The following DOCK3 variants were observed in gnomAD, a reference collection of about 807,000 sequenced individuals.
DOCK3 encodes dedicator of cytokinesis 3.
Under a neutral mutation model 265.6 loss-of-function variants are expected in DOCK3, and 60 were observed. The observed-to-expected ratio is 0.23, with a 90% CI of 0.18 to 0.28. The LOEUF (loss-of-function observed/expected upper bound fraction) is 0.28. DOCK3 is among the 10% of genes least tolerant of loss of function. The pLI, the probability that DOCK3 is intolerant of heterozygous loss-of-function variation, is 1.00. For missense variants in DOCK3, 1,981 were observed against 2,594.3 expected (o/e 0.76, Z 5.14); for synonymous variants, 881 against 938.0 (o/e 0.94, Z 1.11).
At chr3:51,266,391 A>C (rs2080168923) in intron 23 of DOCK3, among the ~76,000 whole-genome samples, 1 of 152,220 alleles carries the variant, frequency 6.6e-6, no homozygotes, top group Non-Finnish European at 1.5e-5. Context: ...AGCCAAAGGA[A>C]CAAAGCTGGA....
intron 2 of DOCK3, among the ~76,000 whole-genome samples, chr3:50,817,003 G>A (rs2044120409): frequency 6.6e-6 from 1 of 152,194 alleles, no homozygotes; most frequent in South Asian, 2.1e-4. Context: ...TATTAGGAAA[G>A]TAAAGGAATA....
intron 27 of DOCK3, among the ~76,000 whole-genome samples, chr3:51,292,813 G>A (rs542053091): frequency 1.3e-5 from 2 of 152,130 alleles, no homozygotes; most frequent in South Asian, 2.1e-4. Flanking sequence ...GAGTAGCTGG[G>A]TTTACAGGTG....
chr3:51,280,961 A>C (rs2081078979), intron 27 of DOCK3, among the ~76,000 whole-genome samples: 1 of 152,088 alleles, frequency 6.6e-6, no homozygotes, highest in Non-Finnish European at 1.5e-5. Flanking sequence ...ATTGTTAGTT[A>C]TTATCTATTT....
At chr3:50,945,322 G>A (rs149666999) in intron 5 of DOCK3, among the ~76,000 whole-genome samples, 99 of 152,142 alleles carry the variant, frequency 6.5e-4, no homozygotes, top group African/African-American at 2.4e-3. Flanking sequence ...TTACCATATA[G>A]TTTGTTTTTT....
At position 51,310,252 on chromosome 3, in the gene DOCK3, T is replaced by C. The variant is rs1479522455; in HGVS notation, c.2943T>C (p.Phe981=). The part of the protein sequence containing the change: ...DELKEFLLKI[F]CVFRNLMKMS... ...GTCAGGAATTTCTGCTGAAGATTTT[T>C]TGCGTGTTCCGGAACCTGATGAAGA... The change falls in exon 28 of 53, where the codon TTT becomes TTC. Residue 981 remains phenylalanine (F), a synonymous_variant. Coordinates refer to ENST00000266037, the MANE Select transcript of DOCK3 (RefSeq NM_004947.5). The C allele has an allele frequency of 4.4e-6, 7 of 1,603,226 alleles. No homozygotes were observed. Among genetic ancestry groups the C allele is most frequent in the Non-Finnish European group, 6.0e-6 (7 of 1,174,718 alleles).
chr3:50,858,354 C>G (rs2046718529), intron 3 of DOCK3, among the ~76,000 whole-genome samples: 1 of 151,538 alleles, frequency 6.6e-6, no homozygotes, highest in Admixed American at 6.6e-5. Context: ...GTGCAGCATA[C>G]CAACACGACA....
chr3:50,760,463 TTC>T (rs1478447444), intron 1 of DOCK3, among the ~76,000 whole-genome samples: 1 of 152,166 alleles, frequency 6.6e-6, no homozygotes, highest in Admixed American at 6.5e-5. Flanking sequence ...AATACTACCG[TTC>T]TGTTTTTCAC....
At chr3:50,683,880 T>G (rs371230140) in intron 1 of DOCK3, among the ~76,000 whole-genome samples, 2 of 122,988 alleles carry the variant, frequency 1.6e-5, no homozygotes, top group Admixed American at 2.0e-4. Context: ...TCTTGGCTGG[T>G]CTTGAACTCC....
chr3:51,015,175 A>T (rs1055999576), intron 5 of DOCK3, among the ~76,000 whole-genome samples: 2 of 152,116 alleles, frequency 1.3e-5, no homozygotes, highest in Middle Eastern at 3.2e-3. Context: ...ATTTTGAATA[A>T]CAGTGGTGAA....
At chr3:51,102,805 G>A (rs1262945885) in intron 9 of DOCK3, among the ~76,000 whole-genome samples, 1 of 152,170 alleles carries the variant, frequency 6.6e-6, no homozygotes, top group Non-Finnish European at 1.5e-5. Context: ...ACAATTATGA[G>A]TTTTTAAAAA....
intron 5 of DOCK3, among the ~76,000 whole-genome samples, chr3:50,968,036 A>G (rs968848793): frequency 1.3e-5 from 2 of 150,238 alleles, no homozygotes; most frequent in Admixed American, 1.3e-4. Flanking sequence ...CATTCTCACC[A>G]GAATTTTTTT....
intron 5 of DOCK3, among the ~76,000 whole-genome samples, chr3:50,966,848 C>G (rs1307427696): frequency 6.6e-6 from 1 of 151,868 alleles, no homozygotes; most frequent in Non-Finnish European, 1.5e-5. Flanking sequence ...GGAAACAACA[C>G]AACAAAAGTC....
chr3:50,824,702 A>C (rs138544840), intron 2 of DOCK3, among the ~76,000 whole-genome samples: 10 of 152,322 alleles, frequency 6.6e-5, no homozygotes, highest in African/African-American at 1.4e-4. Context: ...GATTTATGAC[A>C]GTGAGCATGA....
At chr3:50,736,765 C>T (rs1314516610) in intron 1 of DOCK3, among the ~76,000 whole-genome samples, 16 of 146,680 alleles carry the variant, frequency 1.1e-4, no homozygotes, top group Non-Finnish European at 8.9e-5. Flanking sequence ...GGTGTGATCT[C>T]GGCTCACTGC....
In DOCK3 at chr3:50,823,789, C is replaced by CG. The variant is rs376891395; in HGVS notation, c.122-17880dup. On this transcript the variant is annotated intron_variant, in intron 2 of 52. Transcript: ENST00000266037. ...TCCCAGACGGGGCGGCTGGCCGGGCCGGGGGGCTGACTCCCCCACCTCCCT... is the reference window on the plus strand; with the variant it reads ...TCCCAGACGGGGCGGCTGGCCGGGCCGGGGGGGCTGACTCCCCCACCTCCCT... Among the ~76,000 whole-genome samples, 590 of 152,098 alleles carry CG rather than the reference C, an allele frequency of 3.9e-3. 6 individuals carry two copies. The highest frequency in any genetic ancestry group is 0.013 in the African/African-American group (554 of 41,496).
At chr3:51,252,925 A>G (rs995702103) in intron 22 of DOCK3, among the ~76,000 whole-genome samples, 1 of 152,204 alleles carries the variant, frequency 6.6e-6, no homozygotes, top group African/African-American at 2.4e-5. Flanking sequence ...GAGAGAGGGC[A>G]TCCCTGTCTT....
At chr3:50,992,358 C>A (rs1304652079) in intron 5 of DOCK3, among the ~76,000 whole-genome samples, 1 of 152,130 alleles carries the variant, frequency 6.6e-6, no homozygotes, top group East Asian at 1.9e-4. Context: ...TGTGAAGTGG[C>A]GTGATCTCAG....
At chr3:51,132,504 C>G (rs577583293) in intron 9 of DOCK3, among the ~76,000 whole-genome samples, 29 of 152,230 alleles carry the variant, frequency 1.9e-4, no homozygotes, top group African/African-American at 6.0e-4. Flanking sequence ...AAGACTGTCA[C>G]TCAGGGCAGT....
chr3:50,988,072 C>A (rs1159802781), intron 5 of DOCK3, among the ~76,000 whole-genome samples: 1 of 152,192 alleles, frequency 6.6e-6, no homozygotes, highest in Non-Finnish European at 1.5e-5. Flanking sequence ...CTCACAAGAC[C>A]CACTGGCTTG....
Sources: gnomAD v4.1 joint callset for allele counts (sites outside exome capture counted in the v4.1 genomes callset) on GRCh38, gnomAD v4.1.1 for gene constraint, MANE v1.5 for transcripts, NCBI Gene and HGNC (gene_info 2026-07-23, HGNC 2026-07-21) for gene names.